The following RAD51B variants were observed in gnomAD, a reference collection of about 807,000 sequenced individuals.
RAD51B encodes the protein DNA repair protein RAD51 homolog 2.
RAD51B carries 38 observed loss-of-function variants against 42.2 expected under a neutral mutation model. The observed-to-expected ratio is 0.90, with a 90% CI of 0.70 to 1.18. The LOEUF (loss-of-function observed/expected upper bound fraction) is 1.18. Ranked by LOEUF, RAD51B falls within the 50% of genes most tolerant of loss-of-function variation. The probability of loss-of-function intolerance (pLI) is 0.00; values close to 1 mark genes in which losing one functional copy is unlikely to be tolerated. For missense variants in RAD51B, 373 were observed against 400.7 expected (o/e 0.93, Z 0.59); for synonymous variants, 154 against 145.2 (o/e 1.06, Z -0.43).
chr14:68,014,145 T>A (rs2075734601), intron 7 of RAD51B, among the ~76,000 whole-genome samples: 1 of 152,080 alleles, frequency 6.6e-6, no homozygotes, highest in Admixed American at 6.5e-5. Flanking sequence ...TATGAAGATA[T>A]TTTATCAGGG....
intron 7 of RAD51B, among the ~76,000 whole-genome samples, chr14:67,948,931 CAAAAAAAAA>C (rs59465805): frequency 1.8e-4 from 3 of 17,058 alleles, no homozygotes; most frequent in South Asian, 2.9e-3. Flanking sequence ...GACTCTGTCT[CAAAAAAAAA>C]AAAAAAAAAA....
intron 10 of RAD51B, among the ~76,000 whole-genome samples, chr14:68,592,773 C>G (rs926687544): frequency 6.6e-6 from 1 of 152,238 alleles, no homozygotes; most frequent in South Asian, 2.1e-4. Context: ...GAAACTGAGG[C>G]ACAGAGCATT....
At chr14:67,825,693 T>C in intron 3 of RAD51B, 116 bp downstream of exon 3, 1 of 722,038 alleles carries the variant, frequency 1.4e-6, no homozygotes. Flanking sequence ...AAATACTGAG[T>C]TTTCTACTAT....
intron 7 of RAD51B, among the ~76,000 whole-genome samples, chr14:68,226,794 G>T (rs1039714150): frequency 2.6e-5 from 4 of 152,208 alleles, no homozygotes; most frequent in African/African-American, 7.2e-5. Context: ...TACATAGCTA[G>T]TTTCAGTTCT....
chr14:68,015,428 A>T (rs1195211168), intron 7 of RAD51B, among the ~76,000 whole-genome samples: 1 of 152,192 alleles, frequency 6.6e-6, no homozygotes, highest in Non-Finnish European at 1.5e-5. Context: ...GACATACCTA[A>T]GACTGGGTAA....
intron 8 of RAD51B, among the ~76,000 whole-genome samples, chr14:68,318,733 C>T (rs1253802904): frequency 6.6e-6 from 1 of 152,146 alleles, no homozygotes; most frequent in African/African-American, 2.4e-5. Context: ...TGGGCCTTGC[C>T]CCTTAAGCCC....
intron 10 of RAD51B, among the ~76,000 whole-genome samples, chr14:68,530,446 CAAAAAAAAAA>C (rs35454756): frequency 5.9e-5 from 4 of 67,844 alleles, no homozygotes; most frequent in Admixed American, 4.1e-4. Context: ...GACCCTGTCT[CAAAAAAAAAA>C]AAAAAAAAAA....
chr14:68,283,832 G>A (rs914016741), intron 7 of RAD51B, among the ~76,000 whole-genome samples: 2 of 152,230 alleles, frequency 1.3e-5, no homozygotes, highest in African/African-American at 2.4e-5. Flanking sequence ...TGCACCCCAA[G>A]AGAAGTAGGC....
At chr14:68,480,614 C>T (rs540822223), downstream of RAD51B, among the ~76,000 whole-genome samples, 95 of 151,692 alleles carry the variant, frequency 6.3e-4, no homozygotes, top group East Asian at 2.1e-3. Flanking sequence ...TCAAGAGAGA[C>T]GTTAGAAATT....
intron 10 of RAD51B, among the ~76,000 whole-genome samples, chr14:68,646,348 A>G (rs1892564476): frequency 1.3e-5 from 2 of 152,290 alleles, no homozygotes; most frequent in Admixed American, 1.3e-4. Flanking sequence ...TATGAATGAA[A>G]CTGACCTTTC....
chr14:68,366,638 C>T (rs1463522301), intron 8 of RAD51B, among the ~76,000 whole-genome samples: 8 of 152,164 alleles, frequency 5.3e-5, no homozygotes, highest in East Asian at 1.9e-4. Context: ...AAGAAAGTTC[C>T]GTTAAATCCA....
At chr14:68,436,153 G>A (rs1415036971) in intron 9 of RAD51B, among the ~76,000 whole-genome samples, 1 of 152,044 alleles carries the variant, frequency 6.6e-6, no homozygotes, top group African/African-American at 2.4e-5. Flanking sequence ...ATAGTTTGAG[G>A]GCCTACATTT....
exon 11 of RAD51B, chr14:68,595,278 T>C: frequency 9.4e-7 from 1 of 1,064,494 alleles, no homozygotes; most frequent in Non-Finnish European, 1.1e-6. Flanking sequence ...CAGGTTTACC[T>C]TGCTAAAGGC....
chr14:68,387,404 A>AG (rs2083619284), intron 8 of RAD51B, among the ~76,000 whole-genome samples: 1 of 152,252 alleles, frequency 6.6e-6, no homozygotes, highest in East Asian at 1.9e-4. Context: ...CACAACCTAC[A>AG]GCAAGTGGCA....
At chr14:67,847,255 A>G (rs769067866) in intron 4 of RAD51B, among the ~76,000 whole-genome samples, 4 of 150,610 alleles carry the variant, frequency 2.7e-5, no homozygotes, top group Non-Finnish European at 4.4e-5. Flanking sequence ...CTAGTTGGCC[A>G]TCTTGCCCCA....
At chr14:68,011,016 A>G (rs2075675016) in intron 7 of RAD51B, among the ~76,000 whole-genome samples, 1 of 151,970 alleles carries the variant, frequency 6.6e-6, no homozygotes, top group Admixed American at 6.6e-5. Context: ...TGAGTCATAC[A>G]AAATAGTGAA....
chr14:67,858,142 G>T (rs1207724738), intron 4 of RAD51B: 1 of 152,344 alleles, frequency 6.6e-6, no homozygotes, highest in Non-Finnish European at 1.5e-5. Flanking sequence ...TGGTGTGTTA[G>T]CAGCTCAGTT....
chr14:68,654,825 C>G (rs1881180345), intron 11 of RAD51B, among the ~76,000 whole-genome samples: 1 of 152,214 alleles, frequency 6.6e-6, no homozygotes, highest in African/African-American at 2.4e-5. Context: ...CTCTCAGGCT[C>G]CAAGAACCCG....
rs1439186900 is a variant in RAD51B, at chr14:68,442,486, G to C, written c.958-25686G>C. Among the ~76,000 whole-genome samples the C allele has an allele frequency of 7.9e-5, 11 of 138,892 alleles. No individual in the cohort carries two copies. The Admixed American group carries it at 8.6e-4, about 11-fold the overall frequency. 91.1% of individuals were successfully genotyped at this position (138,892 alleles called of 152,430 possible). On this transcript the variant is annotated intron_variant, in intron 9 of 10. Coordinates refer to ENST00000471583, the MANE Select transcript of RAD51B (RefSeq NM_133510.4). Reference sequence around the variant, plus strand: ...AGCTAGAGTCTCGCTCTGTTGCTAGGCTGGAGAGCAGTGGCGCGATTTCAG... The same window carrying C: ...AGCTAGAGTCTCGCTCTGTTGCTAGCCTGGAGAGCAGTGGCGCGATTTCAG...
Sources: allele counts gnomAD v4.1 joint callset (sites outside exome capture counted in the v4.1 genomes callset), GRCh38; gene constraint gnomAD v4.1.1; transcripts MANE v1.5; gene names NCBI Gene and HGNC (gene_info 2026-07-23, HGNC 2026-07-21).